CACNA2D4: variants seen among roughly 807,000 people sequenced by gnomAD.
CACNA2D4 encodes calcium voltage-gated channel auxiliary subunit alpha2delta 4.
A neutral mutation model predicts 163.8 loss-of-function variants in CACNA2D4; 157 were observed. The ratio of observed to expected loss-of-function variants is 0.96; its 90% CI spans 0.84 to 1.09. The LOEUF (loss-of-function observed/expected upper bound fraction) is 1.09, where lower values mean the gene tolerates loss of function less well. Ranked by LOEUF, CACNA2D4 falls within the 50% of genes least tolerant of loss-of-function variation. CACNA2D4 has a pLI of 0.00. For missense variants in CACNA2D4, 1,410 were observed against 1,479.9 expected (o/e 0.95, Z 0.78); for synonymous variants, 598 against 586.9 (o/e 1.02, Z -0.27).
chr12:1,908,992 C>T (rs1328964222), intron 4 of CACNA2D4, among the ~76,000 whole-genome samples: 2 of 152,112 alleles, frequency 1.3e-5, no homozygotes, highest in Admixed American at 6.5e-5. Flanking sequence ...TACTCCCAGC[C>T]GCGTCCCTGC....
At chr12:1,904,433 T>A (rs904480834) in intron 6 of CACNA2D4, among the ~76,000 whole-genome samples, 26 of 152,100 alleles carry the variant, frequency 1.7e-4, no homozygotes, top group African/African-American at 6.3e-4. Context: ...TTTGCCCTGA[T>A]ATGATTATTA....
intron 35 of CACNA2D4, among the ~76,000 whole-genome samples, chr12:1,796,738 G>A (rs745347625): frequency 1.3e-5 from 2 of 152,202 alleles, no homozygotes; most frequent in Admixed American, 1.3e-4. Flanking sequence ...TCTAGGGACC[G>A]CCTGGCGAGC....
intron 18 of CACNA2D4, among the ~76,000 whole-genome samples, chr12:1,863,903 A>AAG (rs1337406238): frequency 1.3e-5 from 2 of 150,524 alleles, no homozygotes; most frequent in African/African-American, 4.9e-5. Context: ...TTTACAAAAA[A>AAG]AAAAAAATAA....
At chr12:1,913,956 C>T (rs888074521) in intron 2 of CACNA2D4, among the ~76,000 whole-genome samples, 10 of 152,240 alleles carry the variant, frequency 6.6e-5, no homozygotes, top group Admixed American at 1.3e-4. Flanking sequence ...CTCCTCTCCC[C>T]GGGCTGTGGT....
chr12:1,851,222 C>T (rs1865271898), intron 23 of CACNA2D4, among the ~76,000 whole-genome samples: 1 of 152,162 alleles, frequency 6.6e-6, no homozygotes. Flanking sequence ...ATCCGTCATT[C>T]CTTTATTGCT....
chr12:1,911,180 T>A (rs1306205198), intron 3 of CACNA2D4, among the ~76,000 whole-genome samples: 2 of 151,964 alleles, frequency 1.3e-5, no homozygotes, highest in African/African-American at 2.4e-5. Context: ...CCCACCACCA[T>A]ACCCAGCTAA....
At chr12:1,837,953 C>T (rs759429971) in intron 26 of CACNA2D4, among the ~76,000 whole-genome samples, 1 of 152,186 alleles carries the variant, frequency 6.6e-6, no homozygotes, top group Non-Finnish European at 1.5e-5. Context: ...GGGGAGAACT[C>T]TTGCAGCCCT....
At chr12:1,855,169 C>T (rs1768490072) in intron 22 of CACNA2D4, among the ~76,000 whole-genome samples, 2 of 152,128 alleles carry the variant, frequency 1.3e-5, no homozygotes, top group African/African-American at 4.8e-5. Context: ...CTGGCTTCTC[C>T]ACTAGAATGT....
rs1251757486 is a variant in CACNA2D4, at chr12:1,793,258, C to G, written c.*397G>C. The G allele has an allele frequency of 1.5e-5, 3 of 201,296 alleles. No homozygotes were observed. Among genetic ancestry groups the G allele is most frequent in the African/African-American group, 6.9e-5 (3 of 43,338 alleles). 12.5% of individuals were successfully genotyped at this position (201,296 alleles called of 1,614,324 possible). ...AGAAGTCCTTGGGTTCTACCAGAGA[C>G]CACTCCGACAGAAAGGGTCAGAAAC... On this transcript the variant is annotated 3_prime_UTR_variant, in exon 38 of 38. Transcript: ENST00000382722.
chr12:1,856,110 C>T lies in CACNA2D4; in HGVS notation c.2055-1G>A, dbSNP rs749463003. ...GTCAATATCTGTGATGCAGTAGATCCTGAAACCCAGGAAAGTCAGTGTTAT... is the reference window on the plus strand; with the variant it reads ...GTCAATATCTGTGATGCAGTAGATCTTGAAACCCAGGAAAGTCAGTGTTAT... On this transcript the variant is annotated splice_acceptor_variant, in intron 21 of 37. Transcript: ENST00000382722. LOFTEE classifies it high-confidence loss of function. The T allele has an allele frequency of 7.4e-6, 12 of 1,613,850 alleles. No homozygotes were observed. The highest frequency in any genetic ancestry group is 1.3e-5 in the African/African-American group (1 of 74,942).
chr12:1,840,844 C>T, intron 25 of CACNA2D4, 25 bp from the exon 26 acceptor site: 2 of 1,435,012 alleles, frequency 1.4e-6, no homozygotes, highest in South Asian at 1.2e-5. Flanking sequence ...ACAACCCAGT[C>T]ATGGGGAAGA....
chr12:1,828,165 G>A lies in CACNA2D4; in HGVS notation c.2551+12574C>T. 4 of 1,543,968 alleles carry A rather than the reference G, an allele frequency of 2.6e-6. No homozygotes were observed. Among genetic ancestry groups the A allele is most frequent in the African/African-American group, 1.4e-5 (1 of 72,866 alleles). ...GGCCTCACCATGCTGGCGCCGGGCA[G>A]CAGCCCTGGGCAGAGGGGCAGGCTC... On this transcript the variant is annotated intron_variant, in intron 26 of 37. Coordinates refer to ENST00000382722, the MANE Select transcript of CACNA2D4 (RefSeq NM_172364.5). This position sits in a 1 kb window ranked among gnomAD's most constrained non-coding sequence, Gnocchi z 4.2.
At chr12:1,885,406 G>A (rs725652) in intron 9 of CACNA2D4, among the ~76,000 whole-genome samples, 4,191 of 152,276 alleles carry the variant, frequency 0.028, 101 homozygotes, top group Non-Finnish European at 0.04. Context: ...CCCGCAGCCC[G>A]CAGCCCAGGG....
At position 1,885,110 on chromosome 12, in the gene CACNA2D4, G is replaced by T. The variant is rs747779282; in HGVS notation, c.1069-34C>A. The T allele has an allele frequency of 7.1e-6, 11 of 1,545,838 alleles. No homozygotes were observed. The East Asian group carries it at 2.5e-4, about 35-fold the overall frequency. On this transcript the variant is annotated intron_variant, in intron 9 of 37. Transcript: ENST00000382722. ...GGTGAGATATTAGAGAAGCATCAGGGGGTTGAGTGGGCCAGTGGAGCTTCA... is the reference window on the plus strand; with the variant it reads ...GGTGAGATATTAGAGAAGCATCAGGTGGTTGAGTGGGCCAGTGGAGCTTCA...
chr12:1,901,481 A>G (rs1463300693), intron 6 of CACNA2D4, among the ~76,000 whole-genome samples: 1 of 152,038 alleles, frequency 6.6e-6, no homozygotes, highest in Non-Finnish European at 1.5e-5. Context: ...AGACTTAAAT[A>G]TATAAAATCA....
chr12:1,896,117 C>A (rs1373285034), intron 6 of CACNA2D4, among the ~76,000 whole-genome samples: 2 of 152,014 alleles, frequency 1.3e-5, no homozygotes, highest in Non-Finnish European at 2.9e-5. Context: ...AATGTAAGTC[C>A]CCAAACTATA....
Position 1,793,753 on chromosome 12 carries a change from C to T in CACNA2D4, c.3316G>A (p.Ala1106Thr), listed in dbSNP as rs1355042569. 4.3e-6 allele frequency: 7 copies of T among 1,612,868 alleles called. No homozygotes were observed. In the South Asian group the frequency reaches 4.4e-5, roughly 10 times the overall value. ...TCCGAGGCGCCGCCGCAGTCCTGGG[C>T]ATTCTCCTGCGAACGCAGAGCAGAG... The part of the protein sequence containing the change: ...SCHAFHPEEN[A>T]QDCGGASDTS... Residue 1106 changes from alanine to threonine, a missense_variant, in exon 38 of 38, where the codon GCC becomes ACC. Physicochemically the swap from Ala to Thr is moderately conservative, Grantham distance 58. Coordinates refer to ENST00000382722, the MANE Select transcript of CACNA2D4 (RefSeq NM_172364.5).
rs776249407 is a variant in CACNA2D4 at position 1,834,513 on chromosome 12, C to T, written c.2551+6226G>A. On this transcript the variant is annotated intron_variant, in intron 26 of 37. Transcript: ENST00000382722. The surrounding 1 kb of genome is among the most constrained non-coding windows in gnomAD (Gnocchi z 7.6). ...CCACAGAAGCAGAGGCACCGGCCGG[C>T]GAGCGTGAGGCGAGCCATGGGCACG... 2.4e-5 allele frequency: 39 copies of T among 1,606,254 alleles called. No individual in the cohort carries two copies. Among genetic ancestry groups the T allele is most frequent in the Non-Finnish European group, 2.9e-5 (34 of 1,179,854 alleles).
intron 3 of CACNA2D4, 117 bp from the exon 4 acceptor site, chr12:1,910,082 A>T (rs1326198806): frequency 4.9e-6 from 4 of 809,062 alleles, no homozygotes; most frequent in Non-Finnish European, 8.5e-6. Context: ...TATGCCCAGA[A>T]GGATTGAAAA....
Sources: allele counts gnomAD v4.1 joint callset (sites outside exome capture counted in the v4.1 genomes callset), GRCh38; gene constraint gnomAD v4.1.1; non-coding constraint Gnocchi (gnomAD v3.1); transcripts MANE v1.5; gene names NCBI Gene and HGNC (gene_info 2026-07-23, HGNC 2026-07-21).